ROBO3: variants seen among roughly 807,000 people sequenced by gnomAD.
The protein encoded by ROBO3 is roundabout guidance receptor 3.
ROBO3 carries 97 observed loss-of-function variants against 160.5 expected under a neutral mutation model. The observed-to-expected ratio is 0.60, with a 90% CI of 0.51 to 0.72. The LOEUF is 0.72. Ranked by LOEUF, ROBO3 falls within the 30% of genes least tolerant of loss-of-function variation. ROBO3 has a pLI of 0.00. For missense variants in ROBO3, 1,858 were observed against 1,846.5 expected (o/e 1.01, Z -0.11); for synonymous variants, 780 against 746.2 (o/e 1.05, Z -0.74).
chr11:124,875,222 A>C lies in ROBO3; in HGVS notation c.2185A>C (p.Thr729Pro). 1 of 1,613,766 alleles carries C rather than the reference A, an allele frequency of 6.2e-7. No homozygotes were observed. Reference sequence around the variant, plus strand: ...CCTACAGTCCCCAAGCCAGCAAAGTACTGTGCTAAGAGGACTCCCTCCAGG... The same window carrying C: ...CCTACAGTCCCCAAGCCAGCAAAGTCCTGTGCTAAGAGGACTCCCTCCAGG... ...LDLQSPSQQS[T>P]VLRGLPPGTQ... Residue 729 changes from threonine to proline, a missense_variant, in exon 14 of 28, where the codon ACT becomes CCT. Physicochemically the swap from Thr to Pro is conservative, Grantham distance 38. Coordinates refer to ENST00000397801, the MANE Select transcript of ROBO3 (RefSeq NM_022370.4).
intron 15 of ROBO3, 111 bp from the exon 16 acceptor site, chr11:124,875,843 C>T: frequency 6.9e-7 from 1 of 1,456,078 alleles, no homozygotes; most frequent in Non-Finnish European, 9.5e-7. Context: ...AGTGTTGTTT[C>T]CAGGTTGAAT....
At chr11:124,868,741 A>C (rs943996032) in intron 1 of ROBO3, 61 bp from the exon 2 acceptor site, 1 of 1,480,078 alleles carries the variant, frequency 6.8e-7, no homozygotes, top group African/African-American at 1.4e-5. Flanking sequence ...TTCCCTCTGG[A>C]GCCTCAATCT....
chr11:124,872,758 C>T lies in ROBO3; in HGVS notation c.1331-126C>T, dbSNP rs1050643747. On this transcript the variant is annotated intron_variant, in intron 8 of 27. Coordinates refer to ENST00000397801, the MANE Select transcript of ROBO3 (RefSeq NM_022370.4). This position sits in a 1 kb window ranked among gnomAD's most constrained non-coding sequence, Gnocchi z 4.3. Reference sequence around the variant, plus strand: ...GAGACTTCAGATGATTATCAAAGCCCCCTCTGATCACCGGAAGTTTCAGGG... The same window carrying T: ...GAGACTTCAGATGATTATCAAAGCCTCCTCTGATCACCGGAAGTTTCAGGG... 4.2e-6 allele frequency: 4 copies of T among 958,254 alleles called. No individual in the cohort carries two copies. The African/African-American group carries it at 5.0e-5, about 12-fold the overall frequency. 59.4% of individuals were successfully genotyped at this position (958,254 alleles called of 1,614,324 possible). A position where few individuals can be genotyped will look rare whatever the true frequency, so the allele number is the denominator to read the frequency against.
Position 124,878,850 on chromosome 11 carries a change from C to T in ROBO3, c.3533+54C>T. 2.2e-6 allele frequency: 3 copies of T among 1,367,614 alleles called. No individual in the cohort carries two copies. Among genetic ancestry groups the T allele is most frequent in the Non-Finnish European group, 3.1e-6 (3 of 974,866 alleles). The allele number at this position is 1,367,614 out of a possible 1,614,324, so 84.7% of individuals were successfully genotyped here. ...TGCAAGCCCTCTATACGTATCTACTCAGTAGATGACTGGGTGGGTGGATGG... is the reference window on the plus strand; with the variant it reads ...TGCAAGCCCTCTATACGTATCTACTTAGTAGATGACTGGGTGGGTGGATGG... On this transcript the variant is annotated intron_variant, in intron 23 of 27. Coordinates refer to ENST00000397801, the MANE Select transcript of ROBO3 (RefSeq NM_022370.4). The surrounding 1 kb of genome is among the most constrained non-coding windows in gnomAD (Gnocchi z 4.3).
rs771045421 is a variant in ROBO3, at chr11:124,874,070, C to T, written c.1785C>T (p.Ser595=). 5.0e-6 allele frequency: 8 copies of T among 1,613,846 alleles called. No individual in the cohort carries two copies. The Admixed American group carries it at 6.7e-5, about 13-fold the overall frequency. Residue 595 remains serine, a splice_region_variant and synonymous_variant, in exon 12 of 28, where the codon AGC becomes AGT. Transcript: ENST00000397801. ...CCCTGTCATCTCCTTCTTGTTGTAG[C>T]CCAGCAGCTGGCAACACATGGCGTA... ...AVTSYVIEAF[S]PAAGNTWRTV... is the part of the protein sequence containing the mutation.
intron 1 of ROBO3, among the ~76,000 whole-genome samples, chr11:124,866,980 C>G (rs1946205693): frequency 6.6e-6 from 1 of 152,174 alleles, no homozygotes; most frequent in Non-Finnish European, 1.5e-5. Flanking sequence ...AGAGTGTTTT[C>G]ACCATACTTT....
chr11:124,865,441 C>G lies in ROBO3; in HGVS notation c.-137C>G, dbSNP rs990744309. 22 of 812,896 alleles carry G rather than the reference C, an allele frequency of 2.7e-5. 1 individual carries two copies. The highest frequency in any genetic ancestry group is 4.0e-5 in the Non-Finnish European group (21 of 523,736). The allele number at this position is 812,896 out of a possible 1,614,324, so 50.4% of individuals were successfully genotyped here. A position where few individuals can be genotyped will look rare whatever the true frequency, so the allele number is the denominator to read the frequency against. On this transcript the variant is annotated 5_prime_UTR_variant, in exon 1 of 28. Coordinates refer to ENST00000397801, the MANE Select transcript of ROBO3 (RefSeq NM_022370.4). The surrounding 1 kb of genome is among the most constrained non-coding windows in gnomAD (Gnocchi z 5.5). ...CGAAGAGGCACCGACCGTACCCAGG[C>G]GCACCGGCAGGAGAGCGGCACCGTG...
At chr11:124,875,859 C>T in intron 15 of ROBO3, 95 bp from the exon 16 acceptor site, 2 of 1,468,860 alleles carry the variant, frequency 1.4e-6, no homozygotes, top group Non-Finnish European at 1.9e-6. Context: ...TGAATTACAT[C>T]TGTATAAGGC....
rs2135338096 is a variant in ROBO3 at position 124,877,109 on chromosome 11, A to T, written c.2780-52A>T. ...GTGGACAAGTATAGGGGTATTTCTG[A>T]CCCTTCTCCTCATTTCACCTCTTCT... On this transcript the variant is annotated intron_variant, in intron 17 of 27. Coordinates refer to ENST00000397801, the MANE Select transcript of ROBO3 (RefSeq NM_022370.4). 3 of 1,598,614 alleles carry T rather than the reference A, an allele frequency of 1.9e-6. 1 individual carries two copies. In the South Asian group the frequency reaches 3.3e-5, roughly 18 times the overall value.
Position 124,872,282 on chromosome 11 carries a change from C to G in ROBO3, c.1159-99C>G. ...CTGGAGACAGACGATGAACTAGAAT[C>G]ATAGGAATTCTCTGAATTTTGAGAT... On this transcript the variant is annotated intron_variant, in intron 7 of 27. Transcript: ENST00000397801. The surrounding 1 kb of genome is among the most constrained non-coding windows in gnomAD (Gnocchi z 4.3). The G allele has an allele frequency of 8.9e-7, 1 of 1,118,260 alleles. No homozygotes were observed. Among genetic ancestry groups the G allele is most frequent in the Non-Finnish European group, 1.4e-6 (1 of 732,582 alleles). 69.3% of individuals were successfully genotyped at this position (1,118,260 alleles called of 1,614,324 possible).
chr11:124,879,343 T>C lies in ROBO3; in HGVS notation c.3685+2T>C. The C allele has an allele frequency of 1.2e-6, 2 of 1,608,592 alleles. No homozygotes were observed. Among genetic ancestry groups the C allele is most frequent in the Non-Finnish European group, 1.7e-6 (2 of 1,176,580 alleles). On this transcript the variant is annotated splice_donor_variant, in intron 24 of 27. Coordinates refer to ENST00000397801, the MANE Select transcript of ROBO3 (RefSeq NM_022370.4). LOFTEE classifies it high-confidence loss of function. ...CTAGCACAGCCAGCAGTGCCCCAGG[T>C]AAGTCTCTACAACCTCCTTTTGCCC...
chr11:124,874,324 C>A, intron 12 of ROBO3, 88 bp downstream of exon 12: 1 of 1,246,640 alleles, frequency 8.0e-7, no homozygotes, highest in Non-Finnish European at 1.1e-6. Context: ...CACGGCAGTT[C>A]ATACAGTTCT....
Position 124,880,460 on chromosome 11 carries a change from G to C in ROBO3, c.4001G>C (p.Arg1334Pro), listed in dbSNP as rs200381743. Residue 1334 changes from arginine to proline, a missense_variant, in exon 27 of 28, where the codon CGG (arginine) becomes CCG (proline). Coordinates refer to ENST00000397801, the MANE Select transcript of ROBO3 (RefSeq NM_022370.4). Reference protein sequence around the residue: ...LPYSRPSFLSRGQGTSTCSTA... With the variant: ...LPYSRPSFLSPGQGTSTCSTA... The stretch of plus-strand genomic sequence containing the variant: ...TACAGCAGACCAAGCTTCCTGTCCC[G>C]GGGCCAGGGCACCAGCACATGTTCC... 6.2e-7 allele frequency: 1 copy of C among 1,611,432 alleles called. No homozygotes were observed.
chr11:124,876,156 C>CT lies in ROBO3; in HGVS notation c.2593+33dup. 1 of 1,570,586 alleles carries CT rather than the reference C, an allele frequency of 6.4e-7. No homozygotes were observed. Among genetic ancestry groups the CT allele is most frequent in the Non-Finnish European group, 8.6e-7 (1 of 1,162,620 alleles). On this transcript the variant is annotated intron_variant, in intron 16 of 27. Transcript: ENST00000397801. This position sits in a 1 kb window ranked among gnomAD's most constrained non-coding sequence, Gnocchi z 5.3. ...TCCACCCGAGGGCAGTGCTGAGGATCTTGACGGGGGCGGGGCAAGCCCCCC... is the reference window on the plus strand; with the variant it reads ...TCCACCCGAGGGCAGTGCTGAGGATCTTTGACGGGGGCGGGGCAAGCCCCCC...
Position 124,875,561 on chromosome 11 carries a change from C to A in ROBO3, c.2300-3C>A, listed in dbSNP as rs1170489417. ...CTTCTCACCATGCTCCACCCTGGCC[C>A]AGCCCCCAGTGGCCCCCCACAGGGA... On this transcript the variant is annotated splice_region_variant and splice_polypyrimidine_tract_variant and intron_variant, in intron 14 of 27. Transcript: ENST00000397801. 3 of 1,611,464 alleles carry A rather than the reference C, an allele frequency of 1.9e-6. No individual in the cohort carries two copies. The highest frequency in any genetic ancestry group is 2.5e-6 in the Non-Finnish European group (3 of 1,179,030).
rs1179816801 is a variant in ROBO3, at chr11:124,876,976, TGAG to T, written c.2780-183_2780-181del. On this transcript the variant is annotated intron_variant, in intron 17 of 27. Coordinates refer to ENST00000397801, the MANE Select transcript of ROBO3 (RefSeq NM_022370.4). The surrounding 1 kb of genome is among the most constrained non-coding windows in gnomAD (Gnocchi z 5.3). Reference sequence around the variant, plus strand: ...TGGTTGGCTACACATAGGAATCACTTGAGGGGCTTGAGAAAAATACCGACACCT... The same window carrying T: ...TGGTTGGCTACACATAGGAATCACTTGGGCTTGAGAAAAATACCGACACCT... The T allele has an allele frequency of 1.4e-6, 1 of 712,002 alleles. No homozygotes were observed. Among genetic ancestry groups the T allele is most frequent in the Non-Finnish European group, 2.5e-6 (1 of 397,234 alleles). 44.1% of individuals were successfully genotyped at this position (712,002 alleles called of 1,614,324 possible). A position where few individuals can be genotyped will look rare whatever the true frequency, so the allele number is the denominator to read the frequency against.
In ROBO3 at chr11:124,867,533, G is replaced by A. The variant is rs552240922; in HGVS notation, c.161-1269G>A. Among the ~76,000 whole-genome samples the A allele has an allele frequency of 3.4e-3, 520 of 152,336 alleles. 1 individual carries two copies. The highest frequency in any genetic ancestry group is 0.01 in the Middle Eastern group (3 of 294). ...GAATGGGAGGAGATGGAGGAGAAGAGAAGGGTGAAAAGCAGAGATTTCCAT... is the reference window on the plus strand; with the variant it reads ...GAATGGGAGGAGATGGAGGAGAAGAAAAGGGTGAAAAGCAGAGATTTCCAT... On this transcript the variant is annotated intron_variant, in intron 1 of 27. Coordinates refer to ENST00000397801, the MANE Select transcript of ROBO3 (RefSeq NM_022370.4).
Position 124,869,447 on chromosome 11 carries a change from C to CCCG in ROBO3, c.488-3_488-2insCCG. ...TTATTTCGCCCCCCACCGCCCCGCCCAGTCCTCCGTGATGATTTCCGGCAG... is the reference window on the plus strand; with the variant it reads ...TTATTTCGCCCCCCACCGCCCCGCCCCCGAGTCCTCCGTGATGATTTCCGGCAG... On this transcript the variant is annotated splice_polypyrimidine_tract_variant and splice_region_variant and intron_variant, in intron 2 of 27. Transcript: ENST00000397801. The surrounding 1 kb of genome is among the most constrained non-coding windows in gnomAD (Gnocchi z 4.2). 6.7e-7 allele frequency: 1 copy of CCCG among 1,493,342 alleles called. No individual in the cohort carries two copies. The highest frequency in any genetic ancestry group is 9.1e-7 in the Non-Finnish European group (1 of 1,097,186). The allele number at this position is 1,493,342 out of a possible 1,614,324, so 92.5% of individuals were successfully genotyped here. A position where few individuals can be genotyped will look rare whatever the true frequency, so the allele number is the denominator to read the frequency against.
In ROBO3 at chr11:124,869,429, G is replaced by GCCCCCCCCCCCCCCC. The variant is rs34127060; in HGVS notation, c.488-15_488-14insCCCCCCCCCCCCCCC. The stretch of plus-strand genomic sequence containing the variant: ...TGTCACTCTACACCCTGCTTATTTC[G>GCCCCCCCCCCCCCCC]CCCCCCACCGCCCCGCCCAGTCCTC... On this transcript the variant is annotated intron_variant, in intron 2 of 27. Transcript: ENST00000397801. The surrounding 1 kb of genome is among the most constrained non-coding windows in gnomAD (Gnocchi z 4.2). 139 of 1,301,670 alleles carry GCCCCCCCCCCCCCCC rather than the reference G, an allele frequency of 1.1e-4. No homozygotes were observed. The highest frequency in any genetic ancestry group is 5.5e-4 in the South Asian group (44 of 79,956). 80.6% of individuals were successfully genotyped at this position (1,301,670 alleles called of 1,614,324 possible). A position where few individuals can be genotyped will look rare whatever the true frequency, so the allele number is the denominator to read the frequency against.
Sources: gnomAD v4.1 joint callset for allele counts (sites outside exome capture counted in the v4.1 genomes callset) on GRCh38, gnomAD v4.1.1 for gene constraint, Gnocchi (gnomAD v3.1) non-coding constraint, MANE v1.5 for transcripts, NCBI Gene and HGNC (gene_info 2026-07-23, HGNC 2026-07-21) for gene names.